The following HECW1 variants were observed in gnomAD, a reference collection of about 807,000 sequenced individuals.
HECW1 encodes E3 ubiquitin-protein ligase HECW1.
A neutral mutation model predicts 182.3 loss-of-function variants in HECW1; 61 were observed. That is an observed-to-expected ratio of 0.33 (90% confidence interval 0.27 to 0.41). The LOEUF (loss-of-function observed/expected upper bound fraction) is 0.41. Ranked by LOEUF, HECW1 falls within the 10% of genes least tolerant of loss-of-function variation. The pLI, the probability that HECW1 is intolerant of heterozygous loss-of-function variation, is 1.00. For synonymous variants in HECW1, 859 were observed against 832.6 expected, an observed-to-expected ratio of 1.03 and a Z score of -0.55; for missense variants, 1,739 against 2,108.9, an observed-to-expected ratio of 0.82 and a Z score of 3.44.
At chr7:43,376,961 A>AT (rs1018061618) in intron 6 of HECW1, among the ~76,000 whole-genome samples, 7 of 151,870 alleles carry the variant, frequency 4.6e-5, no homozygotes, top group Non-Finnish European at 5.9e-5. Flanking sequence ...TTAGTGAAAA[A>AT]AAAAGACTTT....
rs191466943 is a variant in HECW1, at chr7:43,323,029, A to G, written c.460+2287A>G. 2.1e-3 allele frequency among the ~76,000 whole-genome samples: 324 copies of G among 152,318 alleles called. 3 individuals carry two copies. Among genetic ancestry groups the G allele is most frequent in the African/African-American group, 7.3e-3 (302 of 41,560 alleles). On this transcript the variant is annotated intron_variant, in intron 5 of 29. Transcript: ENST00000395891. ...ATTTCAATATACCTGACTCAGATTC[A>G]AAGGGCAGTGACCACATCCCATAAA...
At chr7:43,335,256 A>G (rs1490249228) in intron 5 of HECW1, among the ~76,000 whole-genome samples, 1 of 152,202 alleles carries the variant, frequency 6.6e-6, no homozygotes, top group African/African-American at 2.4e-5. Flanking sequence ...TTAGAGAAAA[A>G]TACATTTCAG....
intron 2 of HECW1, among the ~76,000 whole-genome samples, chr7:43,141,584 C>T (rs78905003): frequency 0.029 from 4,448 of 152,110 alleles, 238 homozygotes; most frequent in African/African-American, 0.099. Context: ...ACCGCGCCTC[C>T]GCCTCCTGGG....
chr7:43,456,543 T>C, intron 13 of HECW1, 96 bp downstream of exon 13: 2 of 1,138,920 alleles, frequency 1.8e-6, no homozygotes, highest in South Asian at 2.1e-5. Context: ...TCAGACTGTA[T>C]GAGGAGACTG....
chr7:43,229,168 TCTC>T (rs1374972579), intron 2 of HECW1, among the ~76,000 whole-genome samples: 1 of 152,218 alleles, frequency 6.6e-6, no homozygotes, highest in African/African-American at 2.4e-5. Context: ...TGTTGAGCTC[TCTC>T]CTCCTTCCCT....
At chr7:43,453,936 T>G (rs1384771427) in intron 12 of HECW1, among the ~76,000 whole-genome samples, 1 of 152,220 alleles carries the variant, frequency 6.6e-6, no homozygotes, top group Non-Finnish European at 1.5e-5. Flanking sequence ...CCAGAAAACA[T>G]GTTCATAATT....
In HECW1 at chr7:43,383,142, A is replaced by G. The variant is rs181987926; in HGVS notation, c.556-13672A>G. ...TTTTTTTATGGCAGCATAGTATTCC[A>G]TGGTGTATGTGTGCCACATTTTCTT... is the stretch of plus-strand genomic sequence containing the variant. On this transcript the variant is annotated intron_variant, in intron 6 of 29. Transcript: ENST00000395891. Among the ~76,000 whole-genome samples, 200 of 152,308 alleles carry G rather than the reference A, an allele frequency of 1.3e-3. 1 individual carries two copies. Among genetic ancestry groups the G allele is most frequent in the Middle Eastern group, 6.8e-3 (2 of 294 alleles).
intron 13 of HECW1, 109 bp downstream of exon 13, chr7:43,456,556 A>G: frequency 2.0e-6 from 2 of 988,900 alleles, no homozygotes; most frequent in Non-Finnish European, 2.8e-6. Flanking sequence ...GGAGACTGGA[A>G]AGTAATTAAG....
rs190676011 is a variant in HECW1, at chr7:43,183,605, C to A, written c.-31-60270C>A. 4.6e-5 allele frequency among the ~76,000 whole-genome samples: 7 copies of A among 152,072 alleles called. 1 individual carries two copies. The highest frequency in any genetic ancestry group is 1.7e-4 in the African/African-American group (7 of 41,484). On this transcript the variant is annotated intron_variant, in intron 2 of 29. Transcript: ENST00000395891. ...GTTTAAAAATAATAAAATATAAAAT[C>A]TTCTTTATATAAATTCTGTGAAGTC...
At chr7:43,167,016 G>A (rs1027324848) in intron 2 of HECW1, among the ~76,000 whole-genome samples, 8 of 152,212 alleles carry the variant, frequency 5.3e-5, no homozygotes, top group African/African-American at 1.9e-4. Context: ...AGAGTGGGAT[G>A]TTTCCAAAAG....
At chr7:43,543,176 C>G (rs1007705863) in intron 26 of HECW1, among the ~76,000 whole-genome samples, 5 of 152,172 alleles carry the variant, frequency 3.3e-5, no homozygotes, top group Admixed American at 2.6e-4. Flanking sequence ...ACCTCATTTT[C>G]TAGACCTAAA....
chr7:43,221,422 C>G (rs1169130908), intron 2 of HECW1, among the ~76,000 whole-genome samples: 2 of 151,890 alleles, frequency 1.3e-5, no homozygotes, highest in Non-Finnish European at 2.9e-5. Context: ...CCTTTCCTAA[C>G]CCTAGTCAGA....
chr7:43,302,948 CAT>C (rs769109729), intron 3 of HECW1, among the ~76,000 whole-genome samples: 3 of 151,056 alleles, frequency 2.0e-5, no homozygotes, highest in Admixed American at 1.3e-4. Context: ...TGCACACACA[CAT>C]GCGCGCACAC....
chr7:43,237,451 A>C (rs1415221457), intron 2 of HECW1, among the ~76,000 whole-genome samples: 1 of 151,878 alleles, frequency 6.6e-6, no homozygotes, highest in Non-Finnish European at 1.5e-5. Context: ...GAGCATTGGC[A>C]CTCTGGAGCC....
chr7:43,447,995 C>T (rs2077114572), intron 11 of HECW1, among the ~76,000 whole-genome samples: 2 of 151,944 alleles, frequency 1.3e-5, no homozygotes, highest in Admixed American at 6.5e-5. Context: ...ATTAGCTGGG[C>T]ACGGTGGCGG....
Position 43,463,692 on chromosome 7 carries a change from A to G in HECW1, c.2684A>G (p.Glu895Gly). 6.2e-7 allele frequency: 1 copy of G among 1,614,088 alleles called. No homozygotes were observed. The highest frequency in any genetic ancestry group is 8.5e-7 in the Non-Finnish European group (1 of 1,180,008). The part of the protein sequence containing the change: ...YQNIQRTIAT[E>G]RSEEDSGSQS... ...AACATTCAGCGAACCATTGCAACAG[A>G]GAGGTCCGAAGAAGATTCTGGCAGC... Residue 895 changes from glutamate (E) to glycine (G), a missense_variant, in exon 14 of 30, where the codon GAG (glutamate) becomes GGG (glycine). Physicochemically the swap from Glu to Gly is moderately conservative, Grantham distance 98. Transcript: ENST00000395891.
chr7:43,469,288 A>G (rs7809466), intron 16 of HECW1, among the ~76,000 whole-genome samples, 183 bp downstream of exon 16: 42,132 of 152,022 alleles, frequency 0.28, 6,539 homozygotes, highest in African/African-American at 0.42. Flanking sequence ...CACTACTCTG[A>G]GGAATACCCT....
chr7:43,554,699 G>C lies in HECW1; in HGVS notation c.4618G>C (p.Val1540Leu). 6.2e-7 allele frequency: 1 copy of C among 1,614,136 alleles called. No individual in the cohort carries two copies. The highest frequency in any genetic ancestry group is 8.5e-7 in the Non-Finnish European group (1 of 1,180,000). The change falls in exon 29 of 30, where the codon GTG becomes CTG. Residue 1540 changes from valine to leucine, a missense_variant. Physicochemically the swap from Val to Leu is conservative, Grantham distance 32 (BLOSUM62 1). Transcript: ENST00000395891. ...GCAGTTTGTCACGGGAACATCCAGC[G>C]TGCCCTACGAAGGCTTCGCAGCCCT... ...LLQFVTGTSS[V>L]PYEGFAALRG...
chr7:43,526,277 T>G (rs1224700632), intron 24 of HECW1, among the ~76,000 whole-genome samples: 1 of 152,216 alleles, frequency 6.6e-6, no homozygotes, highest in Non-Finnish European at 1.5e-5. Flanking sequence ...CAGTTTAGAC[T>G]TAGGTCATAT....
Sources: gnomAD v4.1 joint callset for allele counts (sites outside exome capture counted in the v4.1 genomes callset) on GRCh38, gnomAD v4.1.1 for gene constraint, MANE v1.5 for transcripts, NCBI Gene and HGNC (gene_info 2026-07-23, HGNC 2026-07-21) for gene names.